The following DOCK8 variants were observed in gnomAD, a reference collection of about 807,000 sequenced individuals.
The protein encoded by DOCK8 is dedicator of cytokinesis protein 8.
In DOCK8, 141 loss-of-function variants were observed where a neutral mutation model predicts 245.6. The ratio of observed to expected loss-of-function variants is 0.57; its 90% CI spans 0.50 to 0.66. DOCK8 has a LOEUF of 0.66. DOCK8 is among the 30% of genes least tolerant of loss of function. The probability of loss-of-function intolerance (pLI) is 0.00; values close to 1 mark genes in which losing one functional copy is unlikely to be tolerated. For missense variants in DOCK8, 2,965 were observed against 2,603.4 expected (o/e 1.14, Z -3.02); for synonymous variants, 1,168 against 970.2 (o/e 1.20, Z -3.79).
chr9:411,008 G>A (rs1023062296), intron 28 of DOCK8, among the ~76,000 whole-genome samples: 1 of 152,132 alleles, frequency 6.6e-6, no homozygotes, highest in Non-Finnish European at 1.5e-5. Flanking sequence ...AAGGTACAAA[G>A]TACTAAAATT....
At chr9:269,912 T>C (rs1316167382) in intron 1 of DOCK8, among the ~76,000 whole-genome samples, 1 of 152,188 alleles carries the variant, frequency 6.6e-6, no homozygotes, top group East Asian at 1.9e-4. Flanking sequence ...ATTGCTGGGA[T>C]ACATGGGAGC....
chr9:415,610 C>G (rs1176236043), intron 29 of DOCK8, among the ~76,000 whole-genome samples: 1 of 152,054 alleles, frequency 6.6e-6, no homozygotes, highest in Non-Finnish European at 1.5e-5. Context: ...AATAGAAGAA[C>G]TTCTTATGTT....
chr9:311,655 C>G (rs1000768582), intron 5 of DOCK8, among the ~76,000 whole-genome samples: 1 of 152,134 alleles, frequency 6.6e-6, no homozygotes, highest in African/African-American at 2.4e-5. Context: ...CAGGAAAGAA[C>G]AAGCCAACAA....
intron 46 of DOCK8, among the ~76,000 whole-genome samples, chr9:453,352 A>AGTTGTT (rs34176078): frequency 2.0e-5 from 3 of 152,202 alleles, no homozygotes; most frequent in Admixed American, 6.5e-5. Flanking sequence ...CAGAAAAACT[A>AGTTGTT]GTTGTTGTTG....
chr9:432,589 C>G (rs112502074), intron 37 of DOCK8, among the ~76,000 whole-genome samples: 2 of 152,200 alleles, frequency 1.3e-5, no homozygotes, highest in African/African-American at 4.8e-5. Flanking sequence ...ACAAGTGATA[C>G]ATAAGTGCAA....
chr9:400,784 T>C (rs111216808), intron 26 of DOCK8, among the ~76,000 whole-genome samples: 8 of 26,046 alleles, frequency 3.1e-4, no homozygotes, highest in Admixed American at 8.7e-4. Flanking sequence ...CACCACCACC[T>C]CCACCATCAC....
At chr9:345,955 G>C (rs1411551141) in intron 14 of DOCK8, among the ~76,000 whole-genome samples, 1 of 151,970 alleles carries the variant, frequency 6.6e-6, no homozygotes, top group Non-Finnish European at 1.5e-5. Flanking sequence ...TAACGATAGA[G>C]ACCAACTTCT....
chr9:294,209 T>A (rs2049162972), intron 4 of DOCK8, among the ~76,000 whole-genome samples: 2 of 152,262 alleles, frequency 1.3e-5, no homozygotes, highest in African/African-American at 4.8e-5. Context: ...AATGACCATT[T>A]TGGTTGTCAC....
chr9:284,865 C>G (rs1324329998), intron 2 of DOCK8, among the ~76,000 whole-genome samples: 1 of 152,174 alleles, frequency 6.6e-6, no homozygotes, highest in African/African-American at 2.4e-5. Context: ...GCTGCATGTT[C>G]TCACTTATAA....
chr9:425,611 A>T (rs4740748), intron 33 of DOCK8, among the ~76,000 whole-genome samples: 89,574 of 150,760 alleles, frequency 0.59, 28,136 homozygotes, highest in East Asian at 0.98. Context: ...TTATCACGAT[A>T]TAAAAATTTG....
chr9:372,875 C>G (rs951794406), intron 18 of DOCK8, among the ~76,000 whole-genome samples: 1 of 152,124 alleles, frequency 6.6e-6, no homozygotes, highest in Non-Finnish European at 1.5e-5. Flanking sequence ...ACTAAAAATA[C>G]AAAAATTAGC....
At chr9:428,679 G>A (rs985593591) in intron 35 of DOCK8, among the ~76,000 whole-genome samples, 183 bp downstream of exon 35, 10 of 152,218 alleles carry the variant, frequency 6.6e-5, no homozygotes, top group African/African-American at 2.4e-4. Flanking sequence ...ACCATGGAGA[G>A]GAAAAGCAGT....
intron 34 of DOCK8, 68 bp downstream of exon 34, chr9:427,049 T>A: frequency 7.3e-7 from 1 of 1,363,794 alleles, no homozygotes; most frequent in Non-Finnish European, 1.0e-6. Flanking sequence ...AGGACTTCTT[T>A]ATGCAAAATT....
chr9:420,670 T>C, intron 31 of DOCK8, 87 bp downstream of exon 31: 1 of 1,520,864 alleles, frequency 6.6e-7, no homozygotes, highest in Non-Finnish European at 9.1e-7. Flanking sequence ...GTTTGGGCCA[T>C]GGAGGCATCA....
Position 233,443 on chromosome 9 carries a change from C to G in DOCK8, c.53+18414C>G, listed in dbSNP as rs373257294. On this transcript the variant is annotated intron_variant, in intron 1 of 47. Transcript: ENST00000432829. ...TGGTGCAGAGCTGAGGTCAATTCCT[C>G]GGTATCCTTGTTGACTTTCTGTCTC... 3.7e-3 allele frequency among the ~76,000 whole-genome samples: 566 copies of G among 152,104 alleles called. 4 individuals are homozygous for G. The highest frequency in any genetic ancestry group is 0.013 in the African/African-American group (533 of 41,474).
rs367966333 is a variant in DOCK8 at position 416,134 on chromosome 9, T to C, written c.3700+1183T>C. 5.3e-5 allele frequency among the ~76,000 whole-genome samples: 8 copies of C among 152,174 alleles called. No individual in the cohort carries two copies. In the East Asian group the frequency reaches 5.8e-4, roughly 11 times the overall value. On this transcript the variant is annotated intron_variant, in intron 29 of 47. Coordinates refer to ENST00000432829, the MANE Select transcript of DOCK8 (RefSeq NM_203447.4). ...AGGGGTTAGGGTTTGTAGAGTTCTGTTGGGGCCAGAGTGCAAGGAAATGAT... is the reference window on the plus strand; with the variant it reads ...AGGGGTTAGGGTTTGTAGAGTTCTGCTGGGGCCAGAGTGCAAGGAAATGAT...
chr9:366,734 CT>C (rs1330281524), intron 14 of DOCK8, among the ~76,000 whole-genome samples: 1 of 143,742 alleles, frequency 7.0e-6, no homozygotes, highest in Admixed American at 6.6e-5. Flanking sequence ...TTGCCTTGCT[CT>C]TTCCCAAGCA....
At chr9:381,750 A>G (rs2053728578) in intron 21 of DOCK8, among the ~76,000 whole-genome samples, 1 of 152,212 alleles carries the variant, frequency 6.6e-6, no homozygotes. Flanking sequence ...ACTTGAGCTC[A>G]GGAGTTCAAG....
Position 434,833 on chromosome 9 carries a change from A to G in DOCK8, c.4937A>G (p.Gln1646Arg). The G allele has an allele frequency of 6.2e-7, 1 of 1,614,188 alleles. No individual in the cohort carries two copies. Among genetic ancestry groups the G allele is most frequent in the Non-Finnish European group, 8.5e-7 (1 of 1,180,040 alleles). ...ASPDLRLTWL[Q>R]NMAEKHTKKK... ...CCTGATCTGCGGCTGACCTGGCTCC[A>G]GAACATGGCAGAGAAACACACCAAG... Residue 1646 changes from glutamine to arginine, a missense_variant, in exon 39 of 48, where the codon CAG becomes CGG. This residue lies in a region of DOCK8 where 2,825 missense variants were observed against 2,453.5 expected (regional missense o/e 1.15). Transcript: ENST00000432829.
Sources: allele counts gnomAD v4.1 joint callset (sites outside exome capture counted in the v4.1 genomes callset), GRCh38; gene constraint gnomAD v4.1.1; regional missense constraint gnomAD v4.1.1; transcripts MANE v1.5; gene names NCBI Gene and HGNC (gene_info 2026-07-23, HGNC 2026-07-21).